Variants in GSG1L observed in about 807,000 individuals in gnomAD.
GSG1L encodes the protein GSG1 like, also known as germ cell-specific gene 1-like protein.
Under a neutral mutation model 42.1 loss-of-function variants are expected in GSG1L, and 24 were observed. That is an observed-to-expected ratio of 0.57 (90% CI 0.41 to 0.80). GSG1L has a LOEUF of 0.80. Among genes scored for constraint, GSG1L ranks in the 30% least tolerant of loss-of-function variants. The pLI, the probability that GSG1L is intolerant of heterozygous loss-of-function variation, is 0.00. For synonymous variants in GSG1L, 215 were observed against 203.5 expected, an observed-to-expected ratio of 1.06 and a Z score of -0.48; for missense variants, 445 against 472.2, an observed-to-expected ratio of 0.94 and a Z score of 0.53.
intron 2 of GSG1L, among the ~76,000 whole-genome samples, chr16:27,896,448 T>C (rs2084193300): frequency 6.6e-6 from 1 of 152,176 alleles, no homozygotes. Flanking sequence ...AAATAGCTAA[T>C]GCACATGGGC....
chr16:27,807,556 T>C lies in GSG1L; in HGVS notation c.831-2A>G, dbSNP rs1403685976. ...TCGCTCCCGTCCCTCTTCTCCATCC[T>C]GGAAAGAAAAAAAAACAAAAACAAA... On this transcript the variant is annotated splice_acceptor_variant, in intron 5 of 6. Coordinates refer to ENST00000447459, the MANE Select transcript of GSG1L (RefSeq NM_001109763.2). LOFTEE classifies it high-confidence loss of function. 1.2e-6 allele frequency: 2 copies of C among 1,609,124 alleles called. No homozygotes were observed. The highest frequency in any genetic ancestry group is 8.5e-7 in the Non-Finnish European group (1 of 1,179,282).
chr16:27,850,559 C>T (rs1219772742), intron 3 of GSG1L: 1 of 455,600 alleles, frequency 2.2e-6, no homozygotes, highest in Non-Finnish European at 4.4e-6. Flanking sequence ...GCAGGAGGGA[C>T]CAGCAAAGAA....
rs115470921 is a variant in GSG1L at position 27,813,977 on chromosome 16, C to T, written c.831-6423G>A. On this transcript the variant is annotated intron_variant, in intron 5 of 6. Coordinates refer to ENST00000447459, the MANE Select transcript of GSG1L (RefSeq NM_001109763.2). ...GGTCATTTCACAACAGTAACGACCGCTGCCACTGCCACCCTGGTTGTTGTA... is the reference window on the plus strand; with the variant it reads ...GGTCATTTCACAACAGTAACGACCGTTGCCACTGCCACCCTGGTTGTTGTA... 6.2e-3 allele frequency among the ~76,000 whole-genome samples: 951 copies of T among 152,324 alleles called. 9 individuals carry two copies. The highest frequency in any genetic ancestry group is 0.021 in the African/African-American group (874 of 41,568).
chr16:27,946,304 G>A (rs1393266282), intron 2 of GSG1L, among the ~76,000 whole-genome samples: 3 of 152,016 alleles, frequency 2.0e-5, no homozygotes, highest in African/African-American at 4.8e-5. Flanking sequence ...CAGCACTTTG[G>A]GAGGCCAAGG....
At chr16:27,841,433 C>G (rs2083380529) in intron 4 of GSG1L, among the ~76,000 whole-genome samples, 1 of 152,220 alleles carries the variant, frequency 6.6e-6, no homozygotes, top group Non-Finnish European at 1.5e-5. Context: ...CGCCTCAAAA[C>G]CCCTCCAGCT....
intron 3 of GSG1L, among the ~76,000 whole-genome samples, chr16:27,855,758 C>A (rs1424388627): frequency 6.8e-6 from 1 of 148,076 alleles, no homozygotes; most frequent in Non-Finnish European, 1.5e-5. Context: ...ACGGAACAGA[C>A]ATGGCCCCTA....
intron 2 of GSG1L, among the ~76,000 whole-genome samples, chr16:27,915,775 G>T (rs2141057362): frequency 6.6e-6 from 1 of 152,244 alleles, no homozygotes; most frequent in East Asian, 1.9e-4. Flanking sequence ...CAACACAGTG[G>T]GACCATGTCT....
chr16:27,803,806 T>TAG (rs1237970461), intron 6 of GSG1L, among the ~76,000 whole-genome samples: 12 of 139,176 alleles, frequency 8.6e-5, no homozygotes, highest in Middle Eastern at 3.4e-3. Flanking sequence ...GATAGATAGA[T>TAG]ATAGATATAG....
intron 2 of GSG1L, among the ~76,000 whole-genome samples, chr16:27,894,046 C>T (rs1203041145): frequency 6.6e-6 from 1 of 152,204 alleles, no homozygotes; most frequent in East Asian, 1.9e-4. Flanking sequence ...AGCCACCAAC[C>T]CTGGCCAGCA....
At chr16:27,972,778 G>C (rs1021954942) in intron 1 of GSG1L, among the ~76,000 whole-genome samples, 5 of 152,198 alleles carry the variant, frequency 3.3e-5, no homozygotes, top group Non-Finnish European at 5.9e-5. Flanking sequence ...GGTCAGGGTG[G>C]AGCCCATATA....
chr16:27,814,429 A>G (rs943467429), intron 5 of GSG1L, among the ~76,000 whole-genome samples: 2 of 152,082 alleles, frequency 1.3e-5, no homozygotes, highest in East Asian at 1.9e-4. Context: ...TACATTTTCA[A>G]CTCAGAGAGA....
intron 2 of GSG1L, among the ~76,000 whole-genome samples, chr16:27,912,995 T>TG (rs2084410026): frequency 2.0e-5 from 3 of 151,450 alleles, no homozygotes; most frequent in Admixed American, 6.6e-5. Context: ...GTGTGTGTGT[T>TG]TTTTTTTAAT....
intron 5 of GSG1L, among the ~76,000 whole-genome samples, chr16:27,818,395 G>A (rs1321513128): frequency 2.6e-5 from 4 of 152,070 alleles, no homozygotes; most frequent in South Asian, 2.1e-4. Context: ...CTGACGATCC[G>A]ATCACATGAG....
chr16:28,018,421 A>G (rs529972885), intron 1 of GSG1L, among the ~76,000 whole-genome samples: 3 of 152,322 alleles, frequency 2.0e-5, no homozygotes, highest in African/African-American at 7.2e-5. Context: ...AATGCAGGAA[A>G]TAAGGGGCAT....
rs1490255362 is a variant in GSG1L, at chr16:27,790,312, A to G, written c.*1058T>C. The G allele has an allele frequency of 6.6e-6, 1 of 152,164 alleles. No homozygotes were observed. Among genetic ancestry groups the G allele is most frequent in the Non-Finnish European group, 1.5e-5 (1 of 68,038 alleles). 9.4% of individuals were successfully genotyped at this position (152,164 alleles called of 1,614,324 possible). A position where few individuals can be genotyped will look rare whatever the true frequency, so the allele number is the denominator to read the frequency against. ...GGAGAAGAATATATTCTACGTGGGG[A>G]AAAGCTCTAGAAATTCTTCTGGGAA... On this transcript the variant is annotated 3_prime_UTR_variant, in exon 7 of 7. Transcript: ENST00000447459.
At chr16:27,890,941 CGG>C in intron 2 of GSG1L, among the ~76,000 whole-genome samples, 1 of 152,276 alleles carries the variant, frequency 6.6e-6, no homozygotes, top group African/African-American at 2.4e-5. Flanking sequence ...CAGACACAGC[CGG>C]TGCGGTGCTC....
chr16:27,844,955 G>A lies in GSG1L; in HGVS notation c.657C>T (p.Ser219=), dbSNP rs2083427107. 1.9e-6 allele frequency: 3 copies of A among 1,585,702 alleles called. No homozygotes were observed. Among genetic ancestry groups the A allele is most frequent in the Non-Finnish European group, 2.6e-6 (3 of 1,160,778 alleles). Residue 219 remains serine, a synonymous_variant, in exon 4 of 7, where the codon TCC becomes TCT. Coordinates refer to ENST00000447459, the MANE Select transcript of GSG1L (RefSeq NM_001109763.2). Reference sequence around the variant, plus strand: ...TGTCCTGAAGGTCCACTTACCAGAAGGACCACCCGTAGTCCCAGGAATGGG... The same window carrying A: ...TGTCCTGAAGGTCCACTTACCAGAAAGACCACCCGTAGTCCCAGGAATGGG... ...WRPHSWDYGW[S]FCLAWGSFTC...
At chr16:27,956,050 T>C (rs2085001579) in intron 2 of GSG1L, among the ~76,000 whole-genome samples, 2 of 152,220 alleles carry the variant, frequency 1.3e-5, no homozygotes, top group African/African-American at 4.8e-5. Context: ...CATTTACACA[T>C]TTGCCAATAA....
intron 3 of GSG1L, chr16:27,863,488 A>G (rs1301491526): frequency 6.6e-6 from 1 of 151,896 alleles, no homozygotes; most frequent in Non-Finnish European, 1.5e-5. Flanking sequence ...TGCCTCTTGT[A>G]TGGTTGGATC....
Sources: gnomAD v4.1 joint callset for allele counts (sites outside exome capture counted in the v4.1 genomes callset) on GRCh38, gnomAD v4.1.1 for gene constraint, MANE v1.5 for transcripts, NCBI Gene and HGNC (gene_info 2026-07-23, HGNC 2026-07-21) for gene names.